UNC5C: variants seen among roughly 807,000 people sequenced by gnomAD.
UNC5C encodes the protein unc-5 netrin receptor C, also known as netrin receptor UNC5C.
A neutral mutation model predicts 99.8 loss-of-function variants in UNC5C; 47 were observed. The ratio of observed to expected loss-of-function variants is 0.47; its 90% CI spans 0.37 to 0.60. UNC5C has a LOEUF of 0.60. UNC5C is among the 20% of genes least tolerant of loss of function. The pLI, the probability that UNC5C is intolerant of heterozygous loss-of-function variation, is 0.00. For missense variants in UNC5C, 1,062 were observed against 1,165.9 expected (o/e 0.91, Z 1.30); for synonymous variants, 487 against 452.2 (o/e 1.08, Z -0.98).
chr4:95,179,393 T>G (rs962815470), intron 14 of UNC5C, among the ~76,000 whole-genome samples: 1 of 152,242 alleles, frequency 6.6e-6, no homozygotes, highest in African/African-American at 2.4e-5. Context: ...GGTTATAAGA[T>G]CTAGCAAATA....
rs1035072004 is a variant in UNC5C at position 95,228,399 on chromosome 4, G to A, written c.1109-8223C>T. Among the ~76,000 whole-genome samples, 6 of 152,160 alleles carry A rather than the reference G, an allele frequency of 3.9e-5. No individual in the cohort carries two copies. In the South Asian group the frequency reaches 6.2e-4, roughly 16 times the overall value. Reference sequence around the variant, plus strand: ...AATTATCAAGCAAATATTCTGATGTGAGAAATGTCATAACTTCTGAACATC... The same window carrying A: ...AATTATCAAGCAAATATTCTGATGTAAGAAATGTCATAACTTCTGAACATC... On this transcript the variant is annotated intron_variant, in intron 7 of 15. Coordinates refer to ENST00000453304, the MANE Select transcript of UNC5C (RefSeq NM_003728.4).
chr4:95,472,972 TC>T (rs1193752082), intron 1 of UNC5C, among the ~76,000 whole-genome samples: 2 of 151,988 alleles, frequency 1.3e-5, no homozygotes, highest in African/African-American at 4.8e-5. Context: ...TTTTATCATA[TC>T]CCTTATGCTC....
chr4:95,270,431 T>C (rs749381091), intron 4 of UNC5C, among the ~76,000 whole-genome samples: 11 of 152,068 alleles, frequency 7.2e-5, no homozygotes, highest in Admixed American at 7.2e-4. Context: ...GTAAAAAATA[T>C]AGCCAAAGGA....
In UNC5C at chr4:95,178,335, C is replaced by T. The variant is rs569432904; in HGVS notation, c.2451+4562G>A. Among the ~76,000 whole-genome samples, 16 of 152,332 alleles carry T rather than the reference C, an allele frequency of 1.1e-4. No homozygotes were observed. In the South Asian group the frequency reaches 1.2e-3, roughly 12 times the overall value. ...TCCTGTGCCCTGGGGCCCCCCTGGG[C>T]GAGCATACCCTAGGCGTCAGGCCTG... is the stretch of plus-strand genomic sequence containing the variant. On this transcript the variant is annotated intron_variant, in intron 14 of 15. Coordinates refer to ENST00000453304, the MANE Select transcript of UNC5C (RefSeq NM_003728.4).
At chr4:95,442,931 T>C (rs1746994641) in intron 1 of UNC5C, among the ~76,000 whole-genome samples, 1 of 152,088 alleles carries the variant, frequency 6.6e-6, no homozygotes, top group Admixed American at 6.6e-5. Flanking sequence ...TGGCAGATGT[T>C]TCCTAGGTTT....
At chr4:95,377,922 A>T (rs2865448) in intron 1 of UNC5C, among the ~76,000 whole-genome samples, 21,536 of 152,172 alleles carry the variant, frequency 0.14, 1,956 homozygotes, top group Non-Finnish European at 0.19. Context: ...CTTCTCGATA[A>T]CTGACTTGCT....
At chr4:95,401,635 C>G (rs1464857819) in intron 1 of UNC5C, among the ~76,000 whole-genome samples, 1 of 152,100 alleles carries the variant, frequency 6.6e-6, no homozygotes, top group African/African-American at 2.4e-5. Context: ...GGGTAATAAT[C>G]CTAAGAACTC....
intron 1 of UNC5C, among the ~76,000 whole-genome samples, chr4:95,461,880 T>G (rs1198039942): frequency 1.3e-5 from 2 of 152,348 alleles, no homozygotes; most frequent in East Asian, 3.9e-4. Context: ...TTCTTTCATA[T>G]GTGGAAATTT....
At chr4:95,236,027 G>A (rs564635135) in intron 7 of UNC5C, among the ~76,000 whole-genome samples, 4 of 152,274 alleles carry the variant, frequency 2.6e-5, no homozygotes, top group South Asian at 4.1e-4. Flanking sequence ...ACAGTGTGGC[G>A]ATTCCTCAGG....
Position 95,167,805 on chromosome 4 carries a change from G to A in UNC5C, c.*1429C>T, listed in dbSNP as rs986845743. On this transcript the variant is annotated 3_prime_UTR_variant, in exon 16 of 16. Coordinates refer to ENST00000453304, the MANE Select transcript of UNC5C (RefSeq NM_003728.4). ...GTAACATAGCCTGGGCAAAAGACCA[G>A]CTGATGATTTTTAAATGATGATCCA... 4.4e-4 allele frequency: 67 copies of A among 152,180 alleles called. No individual in the cohort carries two copies. The highest frequency in any genetic ancestry group is 1.4e-3 in the African/African-American group (57 of 41,446). The allele number at this position is 152,180 out of a possible 1,614,324, so 9.4% of individuals were successfully genotyped here.
chr4:95,501,689 T>C (rs1455876967), intron 1 of UNC5C, among the ~76,000 whole-genome samples: 4 of 152,146 alleles, frequency 2.6e-5, no homozygotes, highest in Non-Finnish European at 5.9e-5. Flanking sequence ...GAAAGTATTA[T>C]AAAGGCAAAT....
chr4:95,468,135 T>A (rs1261913431), intron 1 of UNC5C, among the ~76,000 whole-genome samples: 1 of 151,446 alleles, frequency 6.6e-6, no homozygotes, highest in African/African-American at 2.4e-5. Flanking sequence ...TGGGTTTTTT[T>A]TTTTTTTGTT....
chr4:95,318,929 G>C (rs377367395), intron 2 of UNC5C, among the ~76,000 whole-genome samples: 4 of 152,168 alleles, frequency 2.6e-5, no homozygotes, highest in African/African-American at 9.7e-5. Flanking sequence ...TGAGAGGAAA[G>C]CCTGAGCAAA....
intron 1 of UNC5C, among the ~76,000 whole-genome samples, chr4:95,357,091 G>C (rs1744230243): frequency 6.6e-6 from 1 of 150,860 alleles, no homozygotes; most frequent in African/African-American, 2.4e-5. Context: ...TCTTAATTTT[G>C]AGCTACCCCT....
intron 3 of UNC5C, among the ~76,000 whole-genome samples, chr4:95,287,707 A>C (rs1371543107): frequency 2.0e-5 from 3 of 152,368 alleles, no homozygotes; most frequent in Admixed American, 2.0e-4. Context: ...GATGCAATGA[A>C]TCTGCATCCT....
chr4:95,201,945 T>A (rs1737690996), intron 12 of UNC5C, among the ~76,000 whole-genome samples: 1 of 152,178 alleles, frequency 6.6e-6, no homozygotes, highest in African/African-American at 2.4e-5. Context: ...TTATTCACGC[T>A]GTTCCCTCCA....
chr4:95,522,966 A>C (rs904340521), intron 1 of UNC5C, among the ~76,000 whole-genome samples: 7 of 62,358 alleles, frequency 1.1e-4, no homozygotes, highest in African/African-American at 2.0e-4. Context: ...AGAAAATTAC[A>C]GTGTGTTTCA....
chr4:95,235,399 G>A (rs188527627), intron 7 of UNC5C, among the ~76,000 whole-genome samples: 2 of 152,252 alleles, frequency 1.3e-5, no homozygotes, highest in Admixed American at 1.3e-4. Flanking sequence ...TGTCAGATGA[G>A]TGGATTGCAA....
chr4:95,257,780 C>T (rs1377286250), intron 4 of UNC5C, among the ~76,000 whole-genome samples: 1 of 152,176 alleles, frequency 6.6e-6, no homozygotes, highest in Non-Finnish European at 1.5e-5. Context: ...ACCCTGAGGA[C>T]TTCTGCTTCT....
Sources: gnomAD v4.1 joint callset for allele counts (sites outside exome capture counted in the v4.1 genomes callset) on GRCh38, gnomAD v4.1.1 for gene constraint, MANE v1.5 for transcripts, NCBI Gene and HGNC (gene_info 2026-07-23, HGNC 2026-07-21) for gene names.